The following PCNX2 variants were observed in gnomAD, a reference collection of about 807,000 sequenced individuals.
The protein encoded by PCNX2 is pecanex-like protein 2.
PCNX2 carries 168 observed loss-of-function variants against 223.8 expected under a neutral mutation model. The observed-to-expected ratio is 0.75, with a 90% CI of 0.66 to 0.85. The LOEUF is 0.85. PCNX2 is among the 40% of genes least tolerant of loss of function. The probability of loss-of-function intolerance (pLI) is 0.00; values close to 1 mark genes in which losing one functional copy is unlikely to be tolerated. For synonymous variants in PCNX2, 1,006 were observed against 1,052.6 expected, an observed-to-expected ratio of 0.96 and a Z score of 0.86; for missense variants, 2,507 against 2,675.5, an observed-to-expected ratio of 0.94 and a Z score of 1.39.
At chr1:232,985,873 AT>A (rs1217159962) in intron 33 of PCNX2, 2 of 623,954 alleles carry the variant, frequency 3.2e-6, no homozygotes, top group East Asian at 5.5e-5. Context: ...CCTGGGCATT[AT>A]CGTTTACAGG....
At chr1:233,268,214 T>C (rs886355550) in intron 1 of PCNX2, among the ~76,000 whole-genome samples, 62 of 152,156 alleles carry the variant, frequency 4.1e-4, no homozygotes, top group Admixed American at 2.4e-3. Context: ...GCCTGGTTTA[T>C]GTTTAATTTT....
At chr1:233,071,029 C>T (rs1207171919) in intron 23 of PCNX2, among the ~76,000 whole-genome samples, 1 of 152,004 alleles carries the variant, frequency 6.6e-6, no homozygotes, top group East Asian at 1.9e-4. Context: ...GAGCAAGACT[C>T]CGTCACAAAA....
intron 20 of PCNX2, among the ~76,000 whole-genome samples, chr1:233,136,448 T>C (rs1278700135): frequency 6.6e-6 from 1 of 152,164 alleles, no homozygotes; most frequent in Non-Finnish European, 1.5e-5. Flanking sequence ...CAATCTGCTG[T>C]TTTTTGTGCC....
In PCNX2 at chr1:232,999,283, T is replaced by C; in HGVS notation, c.5425A>G (p.Asn1809Asp). The change falls in exon 31 of 34, where the codon AAT becomes GAT. Residue 1809 changes from asparagine to aspartate, a missense_variant. Transcript: ENST00000258229. ...RNPERGSIQN[N>D]KQVLRNLINS... is the part of the protein sequence containing the mutation. ...ATCAAGTTCCGCAGGACCTGCTTATTGTTCTGGATACTGCCGCGCTCCGGA... is the reference window on the plus strand; with the variant it reads ...ATCAAGTTCCGCAGGACCTGCTTATCGTTCTGGATACTGCCGCGCTCCGGA... 6.2e-7 allele frequency: 1 copy of C among 1,612,536 alleles called. No individual in the cohort carries two copies. Among genetic ancestry groups the C allele is most frequent in the East Asian group, 2.2e-5 (1 of 44,824 alleles).
At chr1:233,277,603 G>A (rs1039943444) in intron 1 of PCNX2, among the ~76,000 whole-genome samples, 2 of 152,182 alleles carry the variant, frequency 1.3e-5, no homozygotes, top group Non-Finnish European at 2.9e-5. Context: ...GCTCACTCAG[G>A]TAAGCTGTCC....
chr1:233,089,991 A>G (rs933236002), intron 23 of PCNX2, 70 bp downstream of exon 23: 1 of 1,602,426 alleles, frequency 6.2e-7, no homozygotes, highest in Admixed American at 1.7e-5. Context: ...CTCCTAACAG[A>G]GGAAGGCAGA....
chr1:233,089,450 G>A (rs918248796), intron 23 of PCNX2, among the ~76,000 whole-genome samples: 7 of 152,126 alleles, frequency 4.6e-5, no homozygotes, highest in Non-Finnish European at 8.8e-5. Flanking sequence ...CGGTTATTTG[G>A]TGAACCATTA....
intron 25 of PCNX2, among the ~76,000 whole-genome samples, chr1:233,049,055 C>CAT (rs1215167183): frequency 6.6e-6 from 1 of 152,062 alleles, no homozygotes; most frequent in East Asian, 1.9e-4. Flanking sequence ...TTCTATCAGA[C>CAT]ATAAGAAGAA....
intron 17 of PCNX2, among the ~76,000 whole-genome samples, chr1:233,169,694 A>T (rs983862251): frequency 6.6e-6 from 1 of 151,994 alleles, no homozygotes; most frequent in African/African-American, 2.4e-5. Flanking sequence ...GCATATAATA[A>T]GTATGTACAG....
chr1:233,005,995 G>T (rs1254563118), intron 28 of PCNX2, among the ~76,000 whole-genome samples: 1 of 152,138 alleles, frequency 6.6e-6, no homozygotes, highest in African/African-American at 2.4e-5. Flanking sequence ...GAAGTCAGTG[G>T]CGTGGGATTC....
At chr1:233,278,462 G>A (rs141076294) in intron 1 of PCNX2, among the ~76,000 whole-genome samples, 67 of 152,330 alleles carry the variant, frequency 4.4e-4, no homozygotes, top group African/African-American at 1.6e-3. Context: ...AATGGGACAA[G>A]CGCCTCCTGA....
At position 232,991,812 on chromosome 1, in the gene PCNX2, C is replaced by T. The variant is rs1053653077; in HGVS notation, c.5792-5272G>A. 1.8e-4 allele frequency among the ~76,000 whole-genome samples: 28 copies of T among 152,178 alleles called. No homozygotes were observed. The highest frequency in any genetic ancestry group is 6.3e-4 in the African/African-American group (26 of 41,528). On this transcript the variant is annotated intron_variant, in intron 32 of 33. Transcript: ENST00000258229. This position sits in a 1 kb window ranked among gnomAD's most constrained non-coding sequence, Gnocchi z 4.3. Reference sequence around the variant, plus strand: ...AGCCCTCAGGAGGAACCAAGCCTGCCCACACCTGGATCTCAGACTTCCAGC... The same window carrying T: ...AGCCCTCAGGAGGAACCAAGCCTGCTCACACCTGGATCTCAGACTTCCAGC...
At chr1:233,163,030 T>C (rs1239938849) in intron 17 of PCNX2, among the ~76,000 whole-genome samples, 2 of 152,168 alleles carry the variant, frequency 1.3e-5, no homozygotes, top group Non-Finnish European at 2.9e-5. Context: ...GGAATTCCAC[T>C]GTGATTTCTA....
intron 31 of PCNX2, among the ~76,000 whole-genome samples, 156 bp from the exon 32 acceptor site, chr1:232,998,594 C>G (rs1669960636): frequency 6.6e-6 from 1 of 152,156 alleles, no homozygotes; most frequent in African/African-American, 2.4e-5. Context: ...CTGTTGTTCC[C>G]AAACCTCAGC....
intron 14 of PCNX2, among the ~76,000 whole-genome samples, chr1:233,199,946 C>T (rs1053863546): frequency 5.3e-5 from 8 of 152,278 alleles, no homozygotes; most frequent in East Asian, 1.9e-4. Flanking sequence ...TCTGTGCTTA[C>T]GCTCAACCAA....
At position 233,270,185 on chromosome 1, in the gene PCNX2, G is replaced by A. The variant is rs888869815; in HGVS notation, c.154-7022C>T. 1.1e-4 allele frequency among the ~76,000 whole-genome samples: 16 copies of A among 152,040 alleles called. 1 individual carries two copies. Among genetic ancestry groups the A allele is most frequent in the African/African-American group, 3.6e-4 (15 of 41,478 alleles). On this transcript the variant is annotated intron_variant, in intron 1 of 33. Transcript: ENST00000258229. ...TCCTTGAGGGATTGAGGACAGGTGT[G>A]TATACAAAAAAAAGCACATGACAGA... is the stretch of plus-strand genomic sequence containing the variant.
Position 232,999,369 on chromosome 1 carries a change from T to A in PCNX2, c.5339A>T (p.Glu1780Val). ...LSFKVIKVNKECVRGLWAGQQ... is the reference protein window; with the variant it reads ...LSFKVIKVNKVCVRGLWAGQQ... ...CCCGGCCCAAAGTCCTCGGACGCAT[T>A]CTTTGTTAACCTGCAGGTCAGAGAG... Residue 1780 changes from glutamate to valine, a missense_variant, in exon 31 of 34, where the codon GAA (glutamate) becomes GTA (valine). Coordinates refer to ENST00000258229, the MANE Select transcript of PCNX2 (RefSeq NM_014801.4). The A allele has an allele frequency of 7.5e-6, 12 of 1,594,520 alleles. No individual in the cohort carries two copies. Among genetic ancestry groups the A allele is most frequent in the Non-Finnish European group, 1.0e-5 (12 of 1,170,656 alleles).
chr1:232,986,135 ATGT>A lies in PCNX2; in HGVS notation c.6194_6196del (p.Asn2065del). On this transcript the variant is annotated inframe_deletion, in exon 33 of 34. Transcript: ENST00000258229. Reference sequence around the variant, plus strand: ...AGCCCTGGCTGAGGGGCCCATCACGATGTTGACGCTGCTGGATGACTGGGTGTC... The same window carrying A: ...AGCCCTGGCTGAGGGGCCCATCACGATGACGCTGCTGGATGACTGGGTGTC... 2 of 1,570,278 alleles carry A rather than the reference ATGT, an allele frequency of 1.3e-6. No homozygotes were observed. The highest frequency in any genetic ancestry group is 2.3e-5 in the South Asian group (2 of 85,326).
At chr1:233,130,463 TTTTG>T (rs1418265724) in intron 21 of PCNX2, among the ~76,000 whole-genome samples, 3 of 86,162 alleles carry the variant, frequency 3.5e-5, no homozygotes, top group East Asian at 1.0e-3. Flanking sequence ...GCCCCCCAAC[TTTTG>T]TGTGTGTGTG....
Sources: gnomAD v4.1 joint callset for allele counts (sites outside exome capture counted in the v4.1 genomes callset) on GRCh38, gnomAD v4.1.1 for gene constraint, Gnocchi (gnomAD v3.1) non-coding constraint, MANE v1.5 for transcripts, NCBI Gene and HGNC (gene_info 2026-07-23, HGNC 2026-07-21) for gene names.